The following TM4SF19 variants were observed in gnomAD, a reference collection of about 807,000 sequenced individuals.
TM4SF19 encodes the protein transmembrane 4 L six family member 19, also known as transmembrane 4 L6 family member 19.
Under a neutral mutation model 21.8 loss-of-function variants are expected in TM4SF19, and 17 were observed. That is an observed-to-expected ratio of 0.78 (90% CI 0.53 to 1.17). TM4SF19 has a LOEUF of 1.17. TM4SF19 is among the 50% of genes most tolerant of loss of function. The pLI, the probability that TM4SF19 is intolerant of heterozygous loss-of-function variation, is 0.00. For missense variants in TM4SF19, 216 were observed against 252.1 expected, an observed-to-expected ratio of 0.86 and a Z score of 0.97; for synonymous variants, 107 against 106.7, an observed-to-expected ratio of 1.00 and a Z score of -0.02.
At chr3:196,333,265 T>C (rs906167934) in intron 1 of TM4SF19, among the ~76,000 whole-genome samples, 10 of 152,212 alleles carry the variant, frequency 6.6e-5, no homozygotes, top group South Asian at 6.2e-4. Flanking sequence ...TAGAAACCTG[T>C]CGTAAAGTTG....
At chr3:196,329,530 G>C (rs1347013890) in intron 1 of TM4SF19, among the ~76,000 whole-genome samples, 1 of 124,402 alleles carries the variant, frequency 8.0e-6, no homozygotes, top group African/African-American at 2.7e-5. Context: ...TTAAATGTCA[G>C]CTGGGTGCTT....
intron 1 of TM4SF19, among the ~76,000 whole-genome samples, chr3:196,329,006 C>T (rs1004889388): frequency 1.3e-5 from 2 of 151,350 alleles, no homozygotes; most frequent in Non-Finnish European, 2.9e-5. Context: ...TGCAGTGGCG[C>T]GATCTCAGCT....
At chr3:196,337,051 C>CTTTTTTTTTTTT (rs35897935) in intron 1 of TM4SF19, among the ~76,000 whole-genome samples, 1 of 67,816 alleles carries the variant, frequency 1.5e-5, no homozygotes, top group Non-Finnish European at 2.6e-5. Context: ...AAAAGCAATT[C>CTTTTTTTTTTTT]TTTTTTTTTT....
Position 196,323,601 on chromosome 3 carries a change from A to T in TM4SF19, c.*216T>A, listed in dbSNP as rs1360619550. Reference sequence around the variant, plus strand: ...AATTCCTAAACAATTATAATAACTTAGTTATTTATCCTATCCATGGATCAC... The same window carrying T: ...AATTCCTAAACAATTATAATAACTTTGTTATTTATCCTATCCATGGATCAC... On this transcript the variant is annotated 3_prime_UTR_variant, in exon 5 of 5. Coordinates refer to ENST00000273695, the MANE Select transcript of TM4SF19 (RefSeq NM_138461.4). 1.2e-6 allele frequency: 1 copy of T among 853,030 alleles called. No individual in the cohort carries two copies. Among genetic ancestry groups the T allele is most frequent in the Non-Finnish European group, 1.8e-6 (1 of 567,326 alleles). 52.8% of individuals were successfully genotyped at this position (853,030 alleles called of 1,614,324 possible).
At chr3:196,332,020 C>T (rs892555681) in intron 1 of TM4SF19, among the ~76,000 whole-genome samples, 2 of 152,088 alleles carry the variant, frequency 1.3e-5, no homozygotes, top group African/African-American at 2.4e-5. Flanking sequence ...CCTGTAACCC[C>T]AGCACTTTGG....
At chr3:196,328,265 A>C (rs1577407233) in intron 1 of TM4SF19, among the ~76,000 whole-genome samples, 1 of 151,502 alleles carries the variant, frequency 6.6e-6, no homozygotes, top group Non-Finnish European at 1.5e-5. Context: ...ATGCCACTGC[A>C]CTCCAGCCTG....
intron 3 of TM4SF19, among the ~76,000 whole-genome samples, chr3:196,326,357 A>G (rs970495500): frequency 5.3e-5 from 8 of 151,694 alleles, no homozygotes; most frequent in Non-Finnish European, 1.0e-4. Flanking sequence ...CTGTGGAGTT[A>G]CCATAAGGCC....
chr3:196,336,891 C>A (rs930046930), intron 1 of TM4SF19, among the ~76,000 whole-genome samples: 1 of 152,128 alleles, frequency 6.6e-6, no homozygotes, highest in Non-Finnish European at 1.5e-5. Flanking sequence ...CGCCACCCAG[C>A]AAGGCTTTTC....
intron 1 of TM4SF19, among the ~76,000 whole-genome samples, chr3:196,332,612 TAC>T (rs145852836): frequency 6.6e-4 from 98 of 148,278 alleles, no homozygotes; most frequent in Middle Eastern, 3.5e-3. Flanking sequence ...TGTGTGTACG[TAC>T]ACACACACAC....
intron 1 of TM4SF19, among the ~76,000 whole-genome samples, chr3:196,335,064 A>G (rs865821113): frequency 0.012 from 303 of 25,384 alleles, no homozygotes; most frequent in East Asian, 0.037. Context: ...GGTTAGGAGA[A>G]GGGAGGGGTG....
intron 1 of TM4SF19, among the ~76,000 whole-genome samples, chr3:196,330,272 G>A (rs1292767923): frequency 3.3e-5 from 5 of 152,076 alleles, no homozygotes; most frequent in Non-Finnish European, 5.9e-5. Flanking sequence ...CACTGCCCAC[G>A]GTTTAAGGGT....
chr3:196,325,984 A>C lies in TM4SF19; in HGVS notation c.279+971T>G, dbSNP rs550711090. Among the ~76,000 whole-genome samples the C allele has an allele frequency of 5.3e-5, 8 of 152,170 alleles. No individual in the cohort carries two copies. Among genetic ancestry groups the C allele is most frequent in the African/African-American group, 1.9e-4 (8 of 41,532 alleles). ...TATTTATCTATGTACTTATTTATTTATTTATTTTGAAACGGAGTCTCGCTC... is the reference window on the plus strand; with the variant it reads ...TATTTATCTATGTACTTATTTATTTCTTTATTTTGAAACGGAGTCTCGCTC... On this transcript the variant is annotated intron_variant, in intron 3 of 4. Transcript: ENST00000273695. The surrounding 1 kb of genome is among the most constrained non-coding windows in gnomAD (Gnocchi z 4.3).
intron 4 of TM4SF19, 51 bp downstream of exon 4, chr3:196,324,220 C>G (rs762558523): frequency 2.0e-5 from 30 of 1,491,782 alleles, no homozygotes; most frequent in Non-Finnish European, 2.8e-5. Context: ...CTTTTTGTCT[C>G]TCTCTCTCTC....
At chr3:196,326,869 C>A in intron 3 of TM4SF19, 86 bp downstream of exon 3, 1 of 1,198,696 alleles carries the variant, frequency 8.3e-7, no homozygotes, top group African/African-American at 1.5e-5. Flanking sequence ...GGCCCCAAGA[C>A]CAAAATTGCC....
Position 196,325,643 on chromosome 3 carries a change from T to C in TM4SF19, c.280-1203A>G, listed in dbSNP as rs1219608561. The C allele has an allele frequency of 1.3e-5, 2 of 152,066 alleles. No individual in the cohort carries two copies. The highest frequency in any genetic ancestry group is 4.8e-5 in the African/African-American group (2 of 41,362). 9.4% of individuals were successfully genotyped at this position (152,066 alleles called of 1,614,324 possible). On this transcript the variant is annotated intron_variant, in intron 3 of 4. Coordinates refer to ENST00000273695, the MANE Select transcript of TM4SF19 (RefSeq NM_138461.4). This position sits in a 1 kb window ranked among gnomAD's most constrained non-coding sequence, Gnocchi z 4.3. ...CCACTGAGGTCAAGCTGGTTTGGAG[T>C]TGGGGAGGGATCAGACAAAGGTGCA... is the stretch of plus-strand genomic sequence containing the variant.
At chr3:196,328,236 G>A (rs1466128721) in intron 1 of TM4SF19, among the ~76,000 whole-genome samples, 1 of 151,792 alleles carries the variant, frequency 6.6e-6, no homozygotes, top group Non-Finnish European at 1.5e-5. Context: ...GGAGGCAGAG[G>A]TTGCAGTGAG....
rs2108805175 is a variant in TM4SF19 at position 196,325,179 on chromosome 3, TCCTTC to T, written c.280-744_280-740del. ...ATTGGCTTCTTTCTCGTTCCTTCCT[TCCTTC>T]CCTTCCTTCCTTCTTTCTCTCTCTC... On this transcript the variant is annotated intron_variant, in intron 3 of 4. Coordinates refer to ENST00000273695, the MANE Select transcript of TM4SF19 (RefSeq NM_138461.4). The surrounding 1 kb of genome is among the most constrained non-coding windows in gnomAD (Gnocchi z 4.3). 6.6e-6 allele frequency: 1 copy of T among 152,206 alleles called. No individual in the cohort carries two copies. Among genetic ancestry groups the T allele is most frequent in the Non-Finnish European group, 1.5e-5 (1 of 68,070 alleles). 9.4% of individuals were successfully genotyped at this position (152,206 alleles called of 1,614,324 possible). A position where few individuals can be genotyped will look rare whatever the true frequency, so the allele number is the denominator to read the frequency against.
chr3:196,335,757 T>G (rs1727732710), intron 1 of TM4SF19, among the ~76,000 whole-genome samples: 1 of 152,016 alleles, frequency 6.6e-6, no homozygotes, highest in Non-Finnish European at 1.5e-5. Context: ...CCCACACTGC[T>G]GCGATGTCCC....
At chr3:196,331,942 G>A (rs950843062) in intron 1 of TM4SF19, among the ~76,000 whole-genome samples, 2 of 151,752 alleles carry the variant, frequency 1.3e-5, no homozygotes, top group Middle Eastern at 3.2e-3. Flanking sequence ...CTCTTGACAC[G>A]CCTATAACAC....
Sources: allele counts gnomAD v4.1 joint callset (sites outside exome capture counted in the v4.1 genomes callset), GRCh38; gene constraint gnomAD v4.1.1; non-coding constraint Gnocchi (gnomAD v3.1); transcripts MANE v1.5; gene names NCBI Gene and HGNC (gene_info 2026-07-23, HGNC 2026-07-21).